The following CFAP44 variants were observed in gnomAD, a reference collection of about 807,000 sequenced individuals.
CFAP44 encodes cilia- and flagella-associated protein 44.
A neutral mutation model predicts 216.2 loss-of-function variants in CFAP44; 134 were observed. The observed-to-expected ratio is 0.62, with a 90% confidence interval of 0.54 to 0.72. CFAP44 has a LOEUF of 0.72. Among genes scored for constraint, CFAP44 ranks in the 30% least tolerant of loss-of-function variants. The pLI is 0.00. For missense variants in CFAP44, 2,035 were observed against 2,182.1 expected, an observed-to-expected ratio of 0.93 and a Z score of 1.34; for synonymous variants, 700 against 727.6, an observed-to-expected ratio of 0.96 and a Z score of 0.61.
chr3:113,330,446 T>C lies in CFAP44; in HGVS notation c.3838A>G (p.Lys1280Glu). 6.5e-7 allele frequency: 1 copy of C among 1,537,306 alleles called. No homozygotes were observed. Among genetic ancestry groups the C allele is most frequent in the South Asian group, 1.2e-5 (1 of 84,054 alleles). The change falls in exon 26 of 35, where the codon AAG becomes GAG. Residue 1280 changes from lysine to glutamate, a missense_variant. Physicochemically the swap from Lys to Glu is moderately conservative, Grantham distance 56. Around this residue, in one of 3 missense-constraint regions of CFAP44, gnomAD observed 1,883 missense variants for 2,023.7 expected, o/e 0.93. Transcript: ENST00000393845. ...QYDEETLLNF[K>E]QQQMKSKDEK... Reference sequence around the variant, plus strand: ...TCTTTACTTTTCATTTGCTGTTGCTTAAAATTTAGGAGAGTTTCTTCATCA... The same window carrying C: ...TCTTTACTTTTCATTTGCTGTTGCTCAAAATTTAGGAGAGTTTCTTCATCA...
In CFAP44 at chr3:113,286,932, CAG is replaced by C. The variant is rs949575152; in HGVS notation, c.*4623_*4624del. ...AAAAAAAAAAAGAAGAAAAAAGAGA[CAG>C]AGAAAATTGGTATTTATTTTTCTAT... On this transcript the variant is annotated 3_prime_UTR_variant, in exon 35 of 35. Transcript: ENST00000393845. 1.4e-5 allele frequency: 19 copies of C among 1,348,410 alleles called. No individual in the cohort carries two copies. Among genetic ancestry groups the C allele is most frequent in the South Asian group, 1.3e-4 (9 of 67,370 alleles). The allele number at this position is 1,348,410 out of a possible 1,614,324, so 83.5% of individuals were successfully genotyped here.
At chr3:113,329,207 G>T (rs1950219378) in intron 26 of CFAP44, among the ~76,000 whole-genome samples, 1 of 152,134 alleles carries the variant, frequency 6.6e-6, no homozygotes, top group Non-Finnish European at 1.5e-5. Flanking sequence ...AACATGAGAT[G>T]CTTATTACAG....
chr3:113,335,720 CATT>C (rs1255933078), intron 24 of CFAP44, among the ~76,000 whole-genome samples: 2 of 152,206 alleles, frequency 1.3e-5, no homozygotes, highest in African/African-American at 4.8e-5. Context: ...ATATGAAAAA[CATT>C]ATCAATCCTC....
At chr3:113,330,128 C>G (rs1950227888) in intron 26 of CFAP44, 40 bp downstream of exon 26, 1 of 1,456,480 alleles carries the variant, frequency 6.9e-7, no homozygotes, top group African/African-American at 1.4e-5. Context: ...CCCTTCTCTT[C>G]TCTCTTTCAG....
chr3:113,354,728 T>C (rs1454334847), intron 22 of CFAP44, among the ~76,000 whole-genome samples: 1 of 152,114 alleles, frequency 6.6e-6, no homozygotes, highest in Non-Finnish European at 1.5e-5. Context: ...ACAAAGGTCA[T>C]AATATCTTGG....
intron 28 of CFAP44, among the ~76,000 whole-genome samples, chr3:113,311,272 A>G (rs1027840243): frequency 5.3e-5 from 8 of 152,232 alleles, no homozygotes; most frequent in Non-Finnish European, 1.2e-4. Context: ...ACCAAGTGAT[A>G]TGGTTTGGCT....
intron 18 of CFAP44, 113 bp from the exon 19 acceptor site, chr3:113,366,422 T>C: frequency 7.8e-7 from 1 of 1,283,848 alleles, no homozygotes; most frequent in Middle Eastern, 2.8e-4. Context: ...GACTGAATTG[T>C]ACACCCCTAA....
intron 11 of CFAP44, 174 bp from the exon 12 acceptor site, chr3:113,400,818 T>G (rs550101302): frequency 1.6e-6 from 1 of 627,504 alleles, no homozygotes; most frequent in Admixed American, 2.8e-5. Flanking sequence ...GAGAACCAGA[T>G]AGAGTCCTGG....
intron 23 of CFAP44, among the ~76,000 whole-genome samples, chr3:113,343,400 G>A (rs1160564888): frequency 2.0e-5 from 3 of 151,934 alleles, no homozygotes; most frequent in East Asian, 3.9e-4. Context: ...CTCTATTCGT[G>A]TTCAAGCTTT....
intron 32 of CFAP44, among the ~76,000 whole-genome samples, chr3:113,297,445 T>C (rs779981703): frequency 4.6e-5 from 7 of 151,374 alleles, no homozygotes; most frequent in Non-Finnish European, 1.0e-4. Context: ...TTTCCTCCTA[T>C]CTGAACTGCT....
At position 113,433,637 on chromosome 3, in the gene CFAP44, C is replaced by T. The variant is rs774483229; in HGVS notation, c.28G>A (p.Asp10Asn). ...TTTGATGTAACTGATTTCTCCCCAT[C>T]AGTATCCTGATCATCTGGTTCCTTC... MKEPDDQDT[D>N]GEKSVTSKSD... Residue 10 changes from aspartate to asparagine, a missense_variant, in exon 2 of 35, where the codon GAT (aspartate) becomes AAT (asparagine). By Grantham distance (23) the Asp-to-Asn change is conservative (BLOSUM62 1). This residue lies in a region of CFAP44 where 149 missense variants were observed against 141.8 expected (regional missense o/e 1.05). Coordinates refer to ENST00000393845, the MANE Select transcript of CFAP44 (RefSeq NM_001164496.2). 6.2e-7 allele frequency: 1 copy of T among 1,613,308 alleles called. No individual in the cohort carries two copies. The highest frequency in any genetic ancestry group is 8.5e-7 in the Non-Finnish European group (1 of 1,179,840).
intron 4 of CFAP44, 66 bp from the exon 5 acceptor site, chr3:113,420,245 G>T: frequency 1.4e-6 from 2 of 1,443,436 alleles, no homozygotes; most frequent in African/African-American, 1.4e-5. Flanking sequence ...GAAAAGTGAT[G>T]AAATAAATTT....
In CFAP44 at chr3:113,402,584, T is replaced by G. The variant is rs1384999956; in HGVS notation, c.1171-845A>C. Among the ~76,000 whole-genome samples, 3 of 152,306 alleles carry G rather than the reference T, an allele frequency of 2.0e-5. No individual in the cohort carries two copies. In the East Asian group the frequency reaches 5.8e-4, roughly 29 times the overall value. On this transcript the variant is annotated intron_variant, in intron 9 of 34. Transcript: ENST00000393845. Reference sequence around the variant, plus strand: ...ACTCTGGGAAGACTGTCCCATAGATTAGCCTGGTTGGGGGAAGAGGGAAAT... The same window carrying G: ...ACTCTGGGAAGACTGTCCCATAGATGAGCCTGGTTGGGGGAAGAGGGAAAT...
Position 113,291,568 on chromosome 3 carries a change from C to T in CFAP44, c.5554G>A (p.Ala1852Thr), listed in dbSNP as rs549546748. 3.8e-5 allele frequency: 58 copies of T among 1,536,996 alleles called. No homozygotes were observed. Among genetic ancestry groups the T allele is most frequent in the African/African-American group, 2.6e-4 (19 of 73,138 alleles). The change falls in exon 35 of 35, where the codon GCA (alanine) becomes ACA (threonine). Residue 1852 changes from alanine to threonine, a missense_variant. Ala to Thr is a moderately conservative substitution (Grantham distance 58). Transcript: ENST00000393845. Reference protein sequence around the residue: ...QSPREKEIQPADL With the variant: ...QSPREKEIQPTDL ...AGAAAATAGCAAACTCAAAGGTCTGCGGGCTGTATCTCTTTCTCTCGTGGA... is the reference window on the plus strand; with the variant it reads ...AGAAAATAGCAAACTCAAAGGTCTGTGGGCTGTATCTCTTTCTCTCGTGGA...
At chr3:113,416,696 G>A (rs12630518) in intron 5 of CFAP44, 69 bp from the exon 6 acceptor site, 227,774 of 1,092,746 alleles carry the variant, frequency 0.21, 26,563 homozygotes, top group East Asian at 0.45. Flanking sequence ...GATTAATGCA[G>A]TATTTAGCAT....
intron 6 of CFAP44, among the ~76,000 whole-genome samples, chr3:113,410,152 C>CT (rs139658810): frequency 0.038 from 5,747 of 149,736 alleles, 136 homozygotes; most frequent in East Asian, 0.1. Context: ...AACTTGTTTT[C>CT]TTTTTTTTTT....
chr3:113,327,134 AAATTT>A (rs1264361941), intron 27 of CFAP44, among the ~76,000 whole-genome samples: 1 of 152,150 alleles, frequency 6.6e-6, no homozygotes, highest in Non-Finnish European at 1.5e-5. Flanking sequence ...TTATTTTCTG[AAATTT>A]AATATACAAA....
At position 113,401,568 on chromosome 3, in the gene CFAP44, C is replaced by A. The variant is rs780259233; in HGVS notation, c.1326+16G>T. 1.2e-6 allele frequency: 2 copies of A among 1,611,542 alleles called. No homozygotes were observed. The highest frequency in any genetic ancestry group is 3.4e-5 in the Admixed American group (2 of 59,486). On this transcript the variant is annotated intron_variant, in intron 10 of 34. Coordinates refer to ENST00000393845, the MANE Select transcript of CFAP44 (RefSeq NM_001164496.2). ...CATGTAATGTTAAAGAGCCAAGAGACAAGAATGCAACACACCTGAGCCAAC... is the reference window on the plus strand; with the variant it reads ...CATGTAATGTTAAAGAGCCAAGAGAAAAGAATGCAACACACCTGAGCCAAC...
Position 113,425,032 on chromosome 3 carries a change from A to T in CFAP44, c.407+1092T>A, listed in dbSNP as rs564909048. Among the ~76,000 whole-genome samples the T allele has an allele frequency of 6.6e-5, 10 of 151,592 alleles. No individual in the cohort carries two copies. The South Asian group carries it at 2.1e-3, about 32-fold the overall frequency. ...AACTTCCAGGGGACTCTAATATACC[A>T]CCCCATCCCATTTGGGAAAAAAAGG... On this transcript the variant is annotated intron_variant, in intron 4 of 34. Transcript: ENST00000393845.
Sources: gnomAD v4.1 joint callset for allele counts (sites outside exome capture counted in the v4.1 genomes callset) on GRCh38, gnomAD v4.1.1 for gene constraint, gnomAD v4.1.1 regional missense constraint, MANE v1.5 for transcripts, NCBI Gene and HGNC (gene_info 2026-07-23, HGNC 2026-07-21) for gene names.